SCHIP1: variants seen among roughly 807,000 people sequenced by gnomAD.
SCHIP1 encodes schwannomin-interacting protein 1.
SCHIP1 carries 8 observed loss-of-function variants against 29.7 expected under a neutral mutation model. The observed-to-expected ratio is 0.27, with a 90% CI of 0.16 to 0.49. The LOEUF (loss-of-function observed/expected upper bound fraction) is 0.49, where lower values mean the gene tolerates loss of function less well. Ranked by LOEUF, SCHIP1 falls within the 20% of genes least tolerant of loss-of-function variation. The pLI, the probability that SCHIP1 is intolerant of heterozygous loss-of-function variation, is 0.99. For missense variants in SCHIP1, 193 were observed against 294.6 expected (o/e 0.66, Z 2.52); for synonymous variants, 76 against 94.9 (o/e 0.80, Z 1.16).
At chr3:159,317,739 C>T in the SCHIP1 span, among the ~76,000 whole-genome samples, 2 of 152,174 alleles carry the variant, frequency 1.3e-5, no homozygotes, top group Non-Finnish European at 2.9e-5. Context: ...GAGTGAGTGC[C>T]TTGGTCAGAG....
chr3:159,500,611 G>T, the SCHIP1 span, among the ~76,000 whole-genome samples: 1 of 151,950 alleles, frequency 6.6e-6, no homozygotes, highest in African/African-American at 2.4e-5. Context: ...CTACTCGGGA[G>T]GCTGAGGCAG....
chr3:159,863,794 G>A lies in SCHIP1; in HGVS notation c.31-2369G>A, dbSNP rs561759546. Among the ~76,000 whole-genome samples the A allele has an allele frequency of 1.4e-3, 212 of 152,294 alleles. 2 individuals are homozygous for A. Among genetic ancestry groups the A allele is most frequent in the African/African-American group, 4.9e-3 (202 of 41,568 alleles). ...CAGTCCTCTTTAAACTGTTAGTGAA[G>A]TATTTGGGTGTAAAGAACTGCAATT... On this transcript the variant is annotated intron_variant, in intron 1 of 6. Transcript: ENST00000445224.
the SCHIP1 span, among the ~76,000 whole-genome samples, chr3:159,331,285 T>A: frequency 3.3e-5 from 5 of 152,028 alleles, no homozygotes; most frequent in Non-Finnish European, 5.9e-5. Flanking sequence ...GGGAGTGGGG[T>A]CATTGATCCT....
chr3:159,314,191 G>A, the SCHIP1 span, among the ~76,000 whole-genome samples: 7 of 152,156 alleles, frequency 4.6e-5, no homozygotes, highest in African/African-American at 1.4e-4. Context: ...AGTAGTTGCT[G>A]GCCCTACAAC....
chr3:159,521,736 T>C, the SCHIP1 span, among the ~76,000 whole-genome samples: 3 of 152,232 alleles, frequency 2.0e-5, no homozygotes, highest in Non-Finnish European at 4.4e-5. Context: ...TATAACAGTA[T>C]GTTGTGCCCC....
the SCHIP1 span, among the ~76,000 whole-genome samples, chr3:159,566,422 C>T: frequency 3.7e-4 from 56 of 152,230 alleles, no homozygotes; most frequent in African/African-American, 1.3e-3. Context: ...AAACCAAAAC[C>T]CTGCCTTTAT....
At chr3:159,506,915 T>C in the SCHIP1 span, among the ~76,000 whole-genome samples, 17 of 152,152 alleles carry the variant, frequency 1.1e-4, no homozygotes, top group Non-Finnish European at 2.2e-4. Context: ...CCCCCAGCTT[T>C]GTTTTTTGGC....
chr3:159,305,172 C>T, the SCHIP1 span, among the ~76,000 whole-genome samples: 1 of 152,164 alleles, frequency 6.6e-6, no homozygotes, highest in African/African-American at 2.4e-5. Flanking sequence ...ATGCAGTCTC[C>T]ACCCCCACAC....
At chr3:159,863,454 G>GT (rs890904142) in intron 1 of SCHIP1, among the ~76,000 whole-genome samples, 79 of 151,884 alleles carry the variant, frequency 5.2e-4, no homozygotes, top group African/African-American at 1.7e-3. Context: ...TAAAGATTGT[G>GT]TTTTTTTTCC....
chr3:159,623,992 C>T, the SCHIP1 span, among the ~76,000 whole-genome samples: 1 of 152,106 alleles, frequency 6.6e-6, no homozygotes, highest in African/African-American at 2.4e-5. Context: ...TCCTACAAGG[C>T]AGAAATCTGA....
intron 2 of SCHIP1, among the ~76,000 whole-genome samples, chr3:159,882,751 T>G (rs1056026813): frequency 6.6e-6 from 1 of 152,254 alleles, no homozygotes; most frequent in Non-Finnish European, 1.5e-5. Flanking sequence ...TCTCAACTCC[T>G]GTGCATATTT....
At chr3:159,273,720 C>A in the SCHIP1 span, 1 of 1,535,582 alleles carries the variant, frequency 6.5e-7, no homozygotes, top group Non-Finnish European at 8.8e-7. Flanking sequence ...TTTAGACAAC[C>A]TTACTAGCTA....
chr3:159,858,422 CT>C lies in SCHIP1; in HGVS notation c.31-7738del, dbSNP rs1258237427. ...GTTCCCATTGTAAGTGGCTACTGAA[CT>C]TTAACCCTAGGTGTTTGTTAAATAC... is the stretch of plus-strand genomic sequence containing the variant. On this transcript the variant is annotated intron_variant, in intron 1 of 6. Coordinates refer to ENST00000445224, the Ensembl canonical transcript of SCHIP1. Among the ~76,000 whole-genome samples the C allele has an allele frequency of 3.3e-5, 5 of 152,276 alleles. No homozygotes were observed. In the East Asian group the frequency reaches 7.7e-4, roughly 24 times the overall value.
At chr3:159,782,202 C>T in the SCHIP1 span, among the ~76,000 whole-genome samples, 1 of 152,224 alleles carries the variant, frequency 6.6e-6, no homozygotes, top group Admixed American at 6.5e-5. Flanking sequence ...GGTGCTCAAG[C>T]TATGGCAGAG....
At chr3:159,412,868 G>A in the SCHIP1 span, among the ~76,000 whole-genome samples, 4 of 152,206 alleles carry the variant, frequency 2.6e-5, no homozygotes, top group African/African-American at 4.8e-5. Context: ...AGGTCTGGAG[G>A]CAAGAGATGG....
intron 2 of SCHIP1, among the ~76,000 whole-genome samples, chr3:159,871,670 C>A (rs1715303422): frequency 6.6e-6 from 1 of 152,168 alleles, no homozygotes; most frequent in African/African-American, 2.4e-5. Flanking sequence ...AACCCTCCAA[C>A]CTCATCTTGA....
chr3:159,589,784 T>C, the SCHIP1 span, among the ~76,000 whole-genome samples: 2 of 152,148 alleles, frequency 1.3e-5, no homozygotes, highest in Non-Finnish European at 2.9e-5. Flanking sequence ...ATGTTTATGT[T>C]TACTGAGCAA....
At chr3:159,494,748 A>AT in the SCHIP1 span, among the ~76,000 whole-genome samples, 1 of 152,132 alleles carries the variant, frequency 6.6e-6, no homozygotes. Context: ...TCCCTAACTC[A>AT]TTTTTTTAGG....
chr3:159,692,440 C>G, the SCHIP1 span, among the ~76,000 whole-genome samples: 6 of 152,134 alleles, frequency 3.9e-5, no homozygotes, highest in Non-Finnish European at 8.8e-5. Flanking sequence ...TCTTTTTTCT[C>G]TAATCTTGTC....
Sources: gnomAD v4.1 joint callset for allele counts (sites outside exome capture counted in the v4.1 genomes callset) on GRCh38, gnomAD v4.1.1 for gene constraint, MANE v1.5 for transcripts, NCBI Gene and HGNC (gene_info 2026-07-23, HGNC 2026-07-21) for gene names.